The following SLC22A16 variants were observed in gnomAD, a reference collection of about 807,000 sequenced individuals.
The protein encoded by SLC22A16 is WUGSC:RG331P03.1.
A neutral mutation model predicts 52.9 loss-of-function variants in SLC22A16; 53 were observed. The ratio of observed to expected loss-of-function variants is 1.00; its 90% CI spans 0.80 to 1.26. The LOEUF is 1.26. Ranked by LOEUF, SLC22A16 falls within the 50% of genes most tolerant of loss-of-function variation. SLC22A16 has a pLI of 0.00. For synonymous variants in SLC22A16, 291 were observed against 268.8 expected, an observed-to-expected ratio of 1.08 and a Z score of -0.81; for missense variants, 726 against 704.0, an observed-to-expected ratio of 1.03 and a Z score of -0.35.
At chr6:110,470,608 C>CCA (rs1402358452) in intron 1 of SLC22A16, among the ~76,000 whole-genome samples, 1 of 152,120 alleles carries the variant, frequency 6.6e-6, no homozygotes, top group African/African-American at 2.4e-5. Flanking sequence ...CCAGTGACCC[C>CCA]CACAGTCATC....
rs1775515157 is a variant in SLC22A16, at chr6:110,454,597, ATATATATTATATATTT to A, written c.533+1925_533+1940del. ...TAATATTTATATATAATATATATTT[ATATATATTATATATTT>A]TATATATAATATATATTTATATATA... On this transcript the variant is annotated intron_variant, in intron 2 of 7. Transcript: ENST00000368919. Among the ~76,000 whole-genome samples the A allele has an allele frequency of 7.2e-5, 7 of 97,442 alleles. No homozygotes were observed. The Admixed American group carries it at 1.2e-3, about 16-fold the overall frequency. The allele number at this position is 97,442 out of a possible 152,430, so 63.9% of individuals were successfully genotyped here.
intron 7 of SLC22A16, among the ~76,000 whole-genome samples, chr6:110,426,238 C>T (rs539867599): frequency 5.9e-5 from 9 of 152,240 alleles, no homozygotes; most frequent in African/African-American, 1.9e-4. Flanking sequence ...CAAGTATATC[C>T]AGTGATCTAG....
At chr6:110,429,389 C>T (rs765736895) in intron 7 of SLC22A16, among the ~76,000 whole-genome samples, 4 of 152,154 alleles carry the variant, frequency 2.6e-5, no homozygotes, top group Non-Finnish European at 5.9e-5. Flanking sequence ...CCCGAAGAGC[C>T]GTATGTGTAC....
At chr6:110,471,787 T>C (rs1353386320) in intron 1 of SLC22A16, among the ~76,000 whole-genome samples, 1 of 152,212 alleles carries the variant, frequency 6.6e-6, no homozygotes, top group Non-Finnish European at 1.5e-5. Flanking sequence ...CTCATCAGGC[T>C]GTAGATTATG....
rs549434882 is a variant in SLC22A16 at position 110,461,218 on chromosome 6, G to C, written c.54-4201C>G. Among the ~76,000 whole-genome samples, 3 of 152,298 alleles carry C rather than the reference G, an allele frequency of 2.0e-5. No individual in the cohort carries two copies. The South Asian group carries it at 6.2e-4, about 32-fold the overall frequency. ...ACAAGCCACAGAGCTGACTGTTCTG[G>C]ACTGGAGAAAGAGGCTCTGACCCGA... On this transcript the variant is annotated intron_variant, in intron 1 of 7. Transcript: ENST00000368919.
At chr6:110,430,778 C>A (rs545106122) in intron 7 of SLC22A16, among the ~76,000 whole-genome samples, 2 of 152,340 alleles carry the variant, frequency 1.3e-5, no homozygotes, top group Non-Finnish European at 2.9e-5. Flanking sequence ...GAGCAGGCAG[C>A]CCCCAGAATT....
chr6:110,426,610 T>A (rs1035736334), intron 7 of SLC22A16, among the ~76,000 whole-genome samples: 11 of 152,170 alleles, frequency 7.2e-5, no homozygotes, highest in African/African-American at 2.7e-4. Context: ...CTCACATATT[T>A]TTGATCTTTT....
At chr6:110,443,086 G>A (rs1375434902) in intron 3 of SLC22A16, among the ~76,000 whole-genome samples, 7 of 152,074 alleles carry the variant, frequency 4.6e-5, no homozygotes, top group Non-Finnish European at 7.3e-5. Context: ...TCCATTCCTT[G>A]TAAATGCATA....
chr6:110,470,839 C>A (rs910530058), intron 1 of SLC22A16, among the ~76,000 whole-genome samples: 2 of 152,178 alleles, frequency 1.3e-5, no homozygotes, highest in African/African-American at 4.8e-5. Flanking sequence ...TTAGGAGATG[C>A]TGATACGGAT....
rs141051240 is a variant in SLC22A16 at position 110,443,930 on chromosome 6, G to A, written c.652-1155C>T. Among the ~76,000 whole-genome samples, 399 of 152,326 alleles carry A rather than the reference G, an allele frequency of 2.6e-3. 2 individuals carry two copies. Among genetic ancestry groups the A allele is most frequent in the African/African-American group, 9.1e-3 (380 of 41,568 alleles). The stretch of plus-strand genomic sequence containing the variant: ...TAGAGTGGCCAAACTCATAGAGACA[G>A]GATGTAGAATGGTGGTTGTCAGGGG... On this transcript the variant is annotated intron_variant, in intron 3 of 7. Coordinates refer to ENST00000368919, the MANE Select transcript of SLC22A16 (RefSeq NM_033125.4).
chr6:110,454,578 T>G, intron 2 of SLC22A16, among the ~76,000 whole-genome samples: 4 of 106,382 alleles, frequency 3.8e-5, no homozygotes, highest in Non-Finnish European at 7.1e-5. Context: ...TATATAATAT[T>G]TATATATAAT....
At chr6:110,436,662 A>G (rs10457210) in intron 5 of SLC22A16, among the ~76,000 whole-genome samples, 8,855 of 152,222 alleles carry the variant, frequency 0.058, 376 homozygotes, top group African/African-American at 0.12. Context: ...AAAAACAAAC[A>G]AAACAAATTG....
intron 1 of SLC22A16, among the ~76,000 whole-genome samples, chr6:110,458,412 C>T (rs62421692): frequency 0.049 from 7,503 of 152,226 alleles, 223 homozygotes; most frequent in South Asian, 0.085. Context: ...TACGATCTCT[C>T]GTCTCCACAC....
At position 110,456,748 on chromosome 6, in the gene SLC22A16, T is replaced by C. The variant is rs764060139; in HGVS notation, c.323A>G (p.Asn108Ser). The change falls in exon 2 of 8, where the codon AAC (asparagine) becomes AGC (serine). Residue 108 changes from asparagine to serine, a missense_variant. Physicochemically the swap from Asn to Ser is conservative, Grantham distance 46. Transcript: ENST00000368919. ...GTATTCATAGCCCAAACTCGATGTG[T>C]TCTCCCTCTTATTCCTGCTACACCT... ...LSRCSRNKRE[N>S]TSSLGYEYTG... is the part of the protein sequence containing the mutation. 3 of 1,614,200 alleles carry C rather than the reference T, an allele frequency of 1.9e-6. No homozygotes were observed. Among genetic ancestry groups the C allele is most frequent in the East Asian group, 2.2e-5 (1 of 44,882 alleles).
chr6:110,475,906 T>TTA, intron 1 of SLC22A16: 1 of 456,640 alleles, frequency 2.2e-6, no homozygotes, highest in Non-Finnish European at 4.4e-6. Flanking sequence ...CCCGCCAGCT[T>TTA]GTTTCCCAAT....
intron 3 of SLC22A16, among the ~76,000 whole-genome samples, 192 bp downstream of exon 3, chr6:110,446,681 A>G (rs1775185359): frequency 6.6e-6 from 1 of 152,238 alleles, no homozygotes; most frequent in South Asian, 2.1e-4. Flanking sequence ...CTAGCCAGCA[A>G]CAATTTTTCA....
At chr6:110,464,351 C>A (rs1279238042) in intron 1 of SLC22A16, among the ~76,000 whole-genome samples, 1 of 151,792 alleles carries the variant, frequency 6.6e-6, no homozygotes, top group Non-Finnish European at 1.5e-5. Flanking sequence ...AAAGGATCAA[C>A]AAAACACAAA....
Position 110,446,956 on chromosome 6 carries a change from T to G in SLC22A16, c.568A>C (p.Ser190Arg). The change falls in exon 3 of 8, where the codon AGT (serine) becomes CGT (arginine). Residue 190 changes from serine (S) to arginine (R), a missense_variant. Physicochemically the swap from Ser to Arg is moderately radical, Grantham distance 110. Transcript: ENST00000368919. ...GCTATTCCAAACAAAAACATGCTACTGCTTGTGGCCCACAAGACCACCCGG... is the reference window on the plus strand; with the variant it reads ...GCTATTCCAAACAAAAACATGCTACGGCTTGTGGCCCACAAGACCACCCGG... ...GRRVVLWATSSSMFLFGIAAA... is the reference protein window; with the variant it reads ...GRRVVLWATSRSMFLFGIAAA... 1 of 1,613,952 alleles carries G rather than the reference T, an allele frequency of 6.2e-7. No individual in the cohort carries two copies. Among genetic ancestry groups the G allele is most frequent in the Non-Finnish European group, 8.5e-7 (1 of 1,179,916 alleles).
At chr6:110,444,405 A>G (rs780639160) in intron 3 of SLC22A16, among the ~76,000 whole-genome samples, 11 of 152,154 alleles carry the variant, frequency 7.2e-5, no homozygotes, top group Non-Finnish European at 1.6e-4. Flanking sequence ...TCTCTTAATC[A>G]TTAGATATTT....
Sources: allele counts gnomAD v4.1 joint callset (sites outside exome capture counted in the v4.1 genomes callset), GRCh38; gene constraint gnomAD v4.1.1; transcripts MANE v1.5; gene names NCBI Gene and HGNC (gene_info 2026-07-23, HGNC 2026-07-21).